Variants in CUX1 observed in about 807,000 individuals in gnomAD.
The protein encoded by CUX1 is protein CASP.
Under a neutral mutation model 158.8 loss-of-function variants are expected in CUX1, and 31 were observed. That is an observed-to-expected ratio of 0.20 (90% CI 0.15 to 0.26). The LOEUF (loss-of-function observed/expected upper bound fraction) is 0.26. CUX1 is among the 10% of genes least tolerant of loss of function. CUX1 has a pLI of 1.00. For missense variants in CUX1, 1,589 were observed against 2,014.6 expected (o/e 0.79, Z 4.04); for synonymous variants, 879 against 862.1 (o/e 1.02, Z -0.34).
At chr7:102,064,863 A>G (rs1374281336) in intron 3 of CUX1, among the ~76,000 whole-genome samples, 1 of 152,198 alleles carries the variant, frequency 6.6e-6, no homozygotes, top group African/African-American at 2.4e-5. Flanking sequence ...ACAGCCCAGG[A>G]ACCCAGCTCG....
At chr7:102,133,462 T>A (rs1554497964) in intron 8 of CUX1, among the ~76,000 whole-genome samples, 1 of 135,070 alleles carries the variant, frequency 7.4e-6, no homozygotes, top group African/African-American at 2.7e-5. Flanking sequence ...CAGAAAAAAA[T>A]ACATCTTTTT....
At chr7:102,073,189 T>C (rs1238721459) in intron 4 of CUX1, among the ~76,000 whole-genome samples, 26 of 129,806 alleles carry the variant, frequency 2.0e-4, no homozygotes, top group Non-Finnish European at 3.1e-4. Context: ...TTTTTTTTTT[T>C]CTGAGACAGA....
intron 3 of CUX1, among the ~76,000 whole-genome samples, chr7:102,050,047 G>A (rs1370009349): frequency 7.2e-5 from 11 of 152,248 alleles, no homozygotes; most frequent in Admixed American, 5.9e-4. Flanking sequence ...GCAGACTCCC[G>A]GGGTGTAGAC....
chr7:102,154,076 G>C (rs540078334), intron 8 of CUX1: 1 of 152,462 alleles, frequency 6.6e-6, no homozygotes, highest in South Asian at 2.1e-4. Flanking sequence ...GCCAAGGCCA[G>C]AGGGTTGCTT....
chr7:102,272,361 C>T (rs1287353911), intron 14 of CUX1, among the ~76,000 whole-genome samples: 1 of 152,224 alleles, frequency 6.6e-6, no homozygotes, highest in Admixed American at 6.5e-5. Context: ...CCTGGCACTG[C>T]CCACAGCCTG....
intron 2 of CUX1, among the ~76,000 whole-genome samples, chr7:101,940,822 C>A (rs1807620338): frequency 6.6e-6 from 1 of 152,116 alleles, no homozygotes; most frequent in Non-Finnish European, 1.5e-5. Flanking sequence ...CTGTCTAGCC[C>A]AAGGATGCCT....
At chr7:101,905,981 C>T (rs1286455645) in intron 1 of CUX1, among the ~76,000 whole-genome samples, 2 of 151,982 alleles carry the variant, frequency 1.3e-5, no homozygotes, top group Non-Finnish European at 2.9e-5. Context: ...CGCCACCATG[C>T]CCAGCTAACT....
At chr7:102,082,406 A>C (rs1377421968) in intron 4 of CUX1, among the ~76,000 whole-genome samples, 8 of 146,650 alleles carry the variant, frequency 5.5e-5, no homozygotes, top group African/African-American at 1.9e-4. Flanking sequence ...GGCGCCTGTA[A>C]TCCCAGCTAC....
chr7:101,883,418 CT>C (rs1037596061), intron 1 of CUX1, among the ~76,000 whole-genome samples: 1 of 152,072 alleles, frequency 6.6e-6, no homozygotes, highest in African/African-American at 2.4e-5. Context: ...CAAAACCTGG[CT>C]TTAGTTCCTA....
At chr7:101,999,517 T>C (rs2129271306) in intron 2 of CUX1, among the ~76,000 whole-genome samples, 1 of 152,352 alleles carries the variant, frequency 6.6e-6, no homozygotes, top group East Asian at 1.9e-4. Context: ...TTTTCTTTGA[T>C]TGATGTCGGC....
rs1236839051 is a variant in CUX1 at position 102,249,153 on chromosome 7, C to T, written c.*111C>T. 1.7e-6 allele frequency: 2 copies of T among 1,152,382 alleles called. No homozygotes were observed. Among genetic ancestry groups the T allele is most frequent in the South Asian group, 4.3e-5 (1 of 23,306 alleles). 71.4% of individuals were successfully genotyped at this position (1,152,382 alleles called of 1,614,324 possible). A position where few individuals can be genotyped will look rare whatever the true frequency, so the allele number is the denominator to read the frequency against. On this transcript the variant is annotated 3_prime_UTR_variant, in exon 24 of 24. Transcript: ENST00000292535. ...GCCTGGGCTTGGCCCGCGGCCTGCA[C>T]CGACCCCGGGCCGGACCTGAGCCCG...
chr7:102,123,862 C>T (rs1338663024), intron 8 of CUX1, among the ~76,000 whole-genome samples: 1 of 151,998 alleles, frequency 6.6e-6, no homozygotes, highest in African/African-American at 2.4e-5. Flanking sequence ...GGGGGTTTCA[C>T]CATGTTACCT....
chr7:102,070,454 G>A (rs891363774), intron 4 of CUX1, 37 bp downstream of exon 4: 8 of 1,498,766 alleles, frequency 5.3e-6, no homozygotes, highest in South Asian at 2.3e-5. Flanking sequence ...AGTGGGGGGC[G>A]TTGTGTCTGG....
At chr7:102,032,052 A>G (rs549646289) in intron 3 of CUX1, among the ~76,000 whole-genome samples, 2 of 151,660 alleles carry the variant, frequency 1.3e-5, no homozygotes, top group African/African-American at 2.4e-5. Context: ...CAGCCTCCCA[A>G]GTAGCTAGGA....
At chr7:102,275,369 A>T (rs1255212751) in intron 17 of CUX1, 13 of 1,604,194 alleles carry the variant, frequency 8.1e-6, no homozygotes, top group Non-Finnish European at 1.1e-5. Context: ...CGTGAGTCAC[A>T]TCCTTCTCTC....
intron 2 of CUX1, among the ~76,000 whole-genome samples, chr7:101,932,077 T>C (rs1806354074): frequency 6.6e-6 from 1 of 152,198 alleles, no homozygotes; most frequent in Admixed American, 6.5e-5. Context: ...ATCGTCAAAA[T>C]TGAAGGATTG....
chr7:101,987,250 G>A (rs1320089262), intron 2 of CUX1, among the ~76,000 whole-genome samples: 5 of 152,218 alleles, frequency 3.3e-5, no homozygotes, highest in Non-Finnish European at 7.3e-5. Flanking sequence ...TTGCACAGAA[G>A]TCCGTGCGTG....
At chr7:101,911,708 C>T (rs1311188796) in intron 1 of CUX1, among the ~76,000 whole-genome samples, 3 of 152,270 alleles carry the variant, frequency 2.0e-5, no homozygotes, top group African/African-American at 7.2e-5. Context: ...CTGTTGGTGA[C>T]ACCCACTTGC....
chr7:102,204,330 C>T, intron 18 of CUX1, 61 bp from the exon 19 acceptor site: 2 of 1,589,586 alleles, frequency 1.3e-6, no homozygotes, highest in Non-Finnish European at 1.7e-6. Context: ...ATTGCAGCAG[C>T]ATCTGTGGTG....
Sources: gnomAD v4.1 joint callset for allele counts (sites outside exome capture counted in the v4.1 genomes callset) on GRCh38, gnomAD v4.1.1 for gene constraint, MANE v1.5 for transcripts, NCBI Gene and HGNC (gene_info 2026-07-23, HGNC 2026-07-21) for gene names.